UBLCP1: variants seen among roughly 807,000 people sequenced by gnomAD.
UBLCP1 encodes ubiquitin-like domain-containing CTD phosphatase 1.
Under a neutral mutation model 42.4 loss-of-function variants are expected in UBLCP1, and 28 were observed. That is an observed-to-expected ratio of 0.66 (90% CI 0.49 to 0.90). The LOEUF is 0.90. Ranked by LOEUF, UBLCP1 falls within the 40% of genes least tolerant of loss-of-function variation. UBLCP1 has a pLI of 0.00. For missense variants in UBLCP1, 279 were observed against 374.5 expected, an observed-to-expected ratio of 0.75 and a Z score of 2.10; for synonymous variants, 122 against 120.8, an observed-to-expected ratio of 1.01 and a Z score of -0.07.
At chr5:159,275,071 T>C in intron 7 of UBLCP1, 77 bp from the exon 8 acceptor site, 6 of 1,271,372 alleles carry the variant, frequency 4.7e-6, no homozygotes, top group Non-Finnish European at 6.8e-6. Flanking sequence ...TTATGAGAAA[T>C]TGCAGCTAGA....
Position 159,269,889 on chromosome 5 carries a change from T to A in UBLCP1, c.155-19T>A. The A allele has an allele frequency of 6.3e-7, 1 of 1,599,992 alleles. No individual in the cohort carries two copies. The highest frequency in any genetic ancestry group is 1.1e-5 in the South Asian group (1 of 90,274). ...CACCTGAACTTTAGTGAGAAAACAG[T>A]CATTTGCTTGTATTGTAGGCAAACC... On this transcript the variant is annotated intron_variant, in intron 2 of 10. Coordinates refer to ENST00000296786, the MANE Select transcript of UBLCP1 (RefSeq NM_145049.5).
chr5:159,272,799 A>G (rs918456531), intron 6 of UBLCP1, among the ~76,000 whole-genome samples: 7 of 152,368 alleles, frequency 4.6e-5, no homozygotes, highest in Middle Eastern at 6.8e-3. Flanking sequence ...GTGATAAGAT[A>G]CTGAGTTTGT....
chr5:159,266,296 T>C (rs933983008), intron 1 of UBLCP1, among the ~76,000 whole-genome samples: 5 of 152,166 alleles, frequency 3.3e-5, no homozygotes, highest in African/African-American at 1.2e-4. Flanking sequence ...TCTTGTTATG[T>C]ATTAGCAAAG....
Position 159,269,044 on chromosome 5 carries a change from A to G in UBLCP1, c.129A>G (p.Gln43=), listed in dbSNP as rs902728704. Residue 43 remains glutamine (Q), a synonymous_variant, in exon 2 of 11, where the codon CAA becomes CAG. Coordinates refer to ENST00000296786, the MANE Select transcript of UBLCP1 (RefSeq NM_145049.5). The part of the protein sequence containing the change: ...KTLTGVLPER[Q]KLLGLKVKGK... ...TTACAGGAGTTCTTCCAGAACGCCA[A>G]AAGTTACTTGGACTCAAAGTTAAAG... 2.5e-6 allele frequency: 4 copies of G among 1,590,688 alleles called. No homozygotes were observed. Among genetic ancestry groups the G allele is most frequent in the South Asian group, 2.4e-5 (2 of 84,904 alleles).
At chr5:159,278,856 G>A (rs774493232) in intron 9 of UBLCP1, among the ~76,000 whole-genome samples, 10 of 152,148 alleles carry the variant, frequency 6.6e-5, no homozygotes, top group Non-Finnish European at 1.3e-4. Context: ...ACAGGCATGA[G>A]CCACTGCGCC....
intron 9 of UBLCP1, 101 bp from the exon 10 acceptor site, chr5:159,283,111 T>C (rs1288929727): frequency 8.6e-7 from 1 of 1,168,630 alleles, no homozygotes; most frequent in Non-Finnish European, 1.2e-6. Context: ...ATGTTCTTGG[T>C]GATATTTTAA....
intron 8 of UBLCP1, among the ~76,000 whole-genome samples, chr5:159,278,034 A>G (rs905543294): frequency 1.3e-5 from 2 of 152,222 alleles, no homozygotes; most frequent in African/African-American, 4.8e-5. Flanking sequence ...TCAGTTGGAC[A>G]TGAACAAACC....
At chr5:159,280,841 G>A (rs1753598915) in intron 9 of UBLCP1, among the ~76,000 whole-genome samples, 1 of 152,150 alleles carries the variant, frequency 6.6e-6, no homozygotes, top group Non-Finnish European at 1.5e-5. Context: ...TCTTGGTCAT[G>A]GATAAAGCAG....
At chr5:159,277,208 C>G (rs1325613330) in intron 8 of UBLCP1, among the ~76,000 whole-genome samples, 3 of 150,634 alleles carry the variant, frequency 2.0e-5, no homozygotes, top group African/African-American at 7.3e-5. Flanking sequence ...CGGTAGTAAA[C>G]AAGATCAGTA....
At position 159,269,034 on chromosome 5, in the gene UBLCP1, C is replaced by A. The variant is rs1753432231; in HGVS notation, c.119C>A (p.Pro40Gln). The A allele has an allele frequency of 6.3e-7, 1 of 1,594,456 alleles. No homozygotes were observed. The highest frequency in any genetic ancestry group is 8.5e-7 in the Non-Finnish European group (1 of 1,173,238). The change falls in exon 2 of 11, where the codon CCA becomes CAA. Residue 40 changes from proline (P) to glutamine (Q), a missense_variant. Pro to Gln is a moderately conservative substitution (Grantham distance 76). Transcript: ENST00000296786. ...QFLKTLTGVLPERQKLLGLKV... is the reference protein window; with the variant it reads ...QFLKTLTGVLQERQKLLGLKV... ...CTCAAGACCCTTACAGGAGTTCTTC[C>A]AGAACGCCAAAAGTTACTTGGACTC...
chr5:159,275,876 G>C (rs1753529708), intron 8 of UBLCP1, among the ~76,000 whole-genome samples: 2 of 152,134 alleles, frequency 1.3e-5, no homozygotes, highest in Non-Finnish European at 2.9e-5. Flanking sequence ...GAAGATACTA[G>C]AAACAAGCGA....
chr5:159,281,281 T>C (rs1753602596), intron 9 of UBLCP1, among the ~76,000 whole-genome samples: 1 of 152,240 alleles, frequency 6.6e-6, no homozygotes, highest in Admixed American at 6.5e-5. Context: ...TATTAATTGC[T>C]TAAAAGTTAA....
intron 8 of UBLCP1, among the ~76,000 whole-genome samples, chr5:159,277,268 T>C (rs1367261373): frequency 6.6e-6 from 1 of 152,090 alleles, no homozygotes; most frequent in East Asian, 1.9e-4. Context: ...AATATTTCAT[T>C]AACATTTTTT....
At chr5:159,275,559 C>T (rs945311539) in intron 8 of UBLCP1, among the ~76,000 whole-genome samples, 2 of 151,448 alleles carry the variant, frequency 1.3e-5, no homozygotes, top group Admixed American at 6.6e-5. Context: ...TACAGGCACC[C>T]GCCACCACGC....
At chr5:159,276,654 G>A (rs1228385120) in intron 8 of UBLCP1, among the ~76,000 whole-genome samples, 1 of 152,180 alleles carries the variant, frequency 6.6e-6, no homozygotes, top group Non-Finnish European at 1.5e-5. Context: ...GTCATTTGAT[G>A]TAGTAGGATA....
chr5:159,268,757 C>T, intron 1 of UBLCP1, 113 bp from the exon 2 acceptor site: 1 of 720,198 alleles, frequency 1.4e-6, no homozygotes, highest in Non-Finnish European at 2.1e-6. Context: ...GGACAAAAAT[C>T]CTCTCTATCA....
intron 9 of UBLCP1, among the ~76,000 whole-genome samples, chr5:159,279,194 G>A (rs1407756192): frequency 6.6e-6 from 1 of 152,162 alleles, no homozygotes; most frequent in Admixed American, 6.5e-5. Flanking sequence ...TTCCTGACTT[G>A]CCCAAGATTG....
At position 159,272,105 on chromosome 5, in the gene UBLCP1, T is replaced by C. The variant is rs1275816488; in HGVS notation, c.531T>C (p.Tyr177=). ...TTCTAACATCTGCCTATGAAGATTA[T>C]GACATTGTTATTTGGTGTAAGCTGT... is the stretch of plus-strand genomic sequence containing the variant. ...HEFLTSAYED[Y]DIVIWSATNM... Residue 177 remains tyrosine, a synonymous_variant, in exon 6 of 11, where the codon TAT becomes TAC. Transcript: ENST00000296786. The C allele has an allele frequency of 6.2e-7, 1 of 1,612,808 alleles. No homozygotes were observed. Among genetic ancestry groups the C allele is most frequent in the African/African-American group, 1.3e-5 (1 of 74,910 alleles).
intron 10 of UBLCP1, 31 bp downstream of exon 10, chr5:159,283,370 T>C: frequency 6.6e-7 from 1 of 1,522,880 alleles, no homozygotes; most frequent in Non-Finnish European, 8.9e-7. Context: ...TATTTTCTCT[T>C]TACATCAATG....
Sources: allele counts gnomAD v4.1 joint callset (sites outside exome capture counted in the v4.1 genomes callset), GRCh38; gene constraint gnomAD v4.1.1; transcripts MANE v1.5; gene names NCBI Gene and HGNC (gene_info 2026-07-23, HGNC 2026-07-21).